TNR: variants seen among roughly 807,000 people sequenced by gnomAD.
TNR encodes tenascin R.
A neutral mutation model predicts 150.4 loss-of-function variants in TNR; 45 were observed. The ratio of observed to expected loss-of-function variants is 0.30; its 90% CI spans 0.24 to 0.38. TNR has a LOEUF of 0.38. Among genes scored for constraint, TNR ranks in the 10% least tolerant of loss-of-function variants. The probability of loss-of-function intolerance (pLI) is 1.00; values close to 1 mark genes in which losing one functional copy is unlikely to be tolerated. For synonymous variants in TNR, 687 were observed against 678.4 expected, an observed-to-expected ratio of 1.01 and a Z score of -0.20; for missense variants, 1,544 against 1,759.1, an observed-to-expected ratio of 0.88 and a Z score of 2.19.
In TNR at chr1:175,396,559, C is replaced by T; in HGVS notation, c.1225G>A (p.Ala409Thr). 6.2e-7 allele frequency: 1 copy of T among 1,614,036 alleles called. No individual in the cohort carries two copies. The highest frequency in any genetic ancestry group is 8.5e-7 in the Non-Finnish European group (1 of 1,179,938). The stretch of plus-strand genomic sequence containing the variant: ...TGGTACGTACGGGTGGCCACCTTGG[C>T]AGTGATGGGAAGGCTGAGGATGTTG... ...ISNILSLPIT[A>T]KVATHLSTPQ... The change falls in exon 5 of 23, where the codon GCC becomes ACC. Residue 409 changes from alanine (A) to threonine (T), a missense_variant. Around this residue, in one of 2 missense-constraint regions of TNR, gnomAD observed 1,254 missense variants for 1,329.4 expected, o/e 0.94. Transcript: ENST00000367674.
chr1:175,381,272 G>A (rs977728277), intron 8 of TNR, among the ~76,000 whole-genome samples: 11 of 152,212 alleles, frequency 7.2e-5, no homozygotes, highest in Non-Finnish European at 1.5e-4. Context: ...GGGGTGTGCA[G>A]CTAGAACTGA....
intron 1 of TNR, among the ~76,000 whole-genome samples, chr1:175,570,578 C>T (rs1176067069): frequency 6.6e-6 from 1 of 152,128 alleles, no homozygotes; most frequent in Admixed American, 6.5e-5. Flanking sequence ...AGTGAGGGTG[C>T]CTTTTCATGT....
intron 9 of TNR, among the ~76,000 whole-genome samples, chr1:175,373,249 G>A (rs1652187411): frequency 6.6e-6 from 1 of 152,134 alleles, no homozygotes; most frequent in African/African-American, 2.4e-5. Context: ...AATAATTCAT[G>A]AAAACCCAGG....
chr1:175,646,519 A>C (rs1461678953), intron 1 of TNR, among the ~76,000 whole-genome samples: 7 of 152,200 alleles, frequency 4.6e-5, no homozygotes, highest in Non-Finnish European at 1.5e-5. Flanking sequence ...CGTTGCTGTT[A>C]AAATACTCAG....
At chr1:175,708,240 A>G (rs1331003302) in intron 1 of TNR, among the ~76,000 whole-genome samples, 1 of 152,174 alleles carries the variant, frequency 6.6e-6, no homozygotes, top group East Asian at 1.9e-4. Context: ...GCCTTGAGGC[A>G]GGGCCACCTC....
At chr1:175,478,041 G>C (rs1334384781) in intron 2 of TNR, among the ~76,000 whole-genome samples, 1 of 152,134 alleles carries the variant, frequency 6.6e-6, no homozygotes, top group Admixed American at 6.5e-5. Context: ...AATTCACTTG[G>C]GCAAAGCATA....
At chr1:175,456,313 C>T (rs944540053) in intron 2 of TNR, among the ~76,000 whole-genome samples, 9 of 152,218 alleles carry the variant, frequency 5.9e-5, no homozygotes, top group Non-Finnish European at 8.8e-5. Context: ...GGACTCTTCC[C>T]ATAGTCTTCA....
chr1:175,465,695 G>A (rs1171512269), intron 2 of TNR, among the ~76,000 whole-genome samples: 1 of 152,168 alleles, frequency 6.6e-6, no homozygotes, highest in African/African-American at 2.4e-5. Flanking sequence ...GTATCCAGGA[G>A]CTCCACCTCC....
At chr1:175,555,996 C>T (rs961221054) in intron 1 of TNR, among the ~76,000 whole-genome samples, 2 of 152,248 alleles carry the variant, frequency 1.3e-5, no homozygotes, top group African/African-American at 4.8e-5. Context: ...GCCTGCTCCA[C>T]CCCTGGATAC....
intron 9 of TNR, among the ~76,000 whole-genome samples, chr1:175,377,855 T>C (rs1046307626): frequency 1.3e-5 from 2 of 152,202 alleles, no homozygotes; most frequent in Admixed American, 1.3e-4. Context: ...TCCTGGTCCA[T>C]GACTGTTCTG....
chr1:175,616,998 T>A (rs1663797798), intron 1 of TNR, among the ~76,000 whole-genome samples: 1 of 152,222 alleles, frequency 6.6e-6, no homozygotes, highest in Non-Finnish European at 1.5e-5. Flanking sequence ...ATATGTGAAG[T>A]TGACAATGTC....
intron 13 of TNR, among the ~76,000 whole-genome samples, chr1:175,363,118 G>A (rs1392273347): frequency 1.3e-5 from 2 of 152,190 alleles, no homozygotes; most frequent in African/African-American, 2.4e-5. Flanking sequence ...GCAAGGAGCA[G>A]TCCCCACAGT....
At chr1:175,408,978 G>C (rs1654081758) in intron 2 of TNR, among the ~76,000 whole-genome samples, 1 of 152,190 alleles carries the variant, frequency 6.6e-6, no homozygotes. Context: ...TTCCAGACAA[G>C]GTAAATAAAC....
chr1:175,423,674 C>A (rs950828247), intron 2 of TNR, among the ~76,000 whole-genome samples: 1 of 152,240 alleles, frequency 6.6e-6, no homozygotes, highest in African/African-American at 2.4e-5. Context: ...CACCTGGATA[C>A]AGCAGCTGGA....
rs59315046 is a variant in TNR, at chr1:175,657,853, GTATATATA to G, written c.-165+85365_-165+85372del. On this transcript the variant is annotated intron_variant, in intron 1 of 22. Transcript: ENST00000367674. ...GGTGCAGCACACCAACATGGAACATGTATATATATATATATATATATATATATATATGT... is the reference window on the plus strand; with the variant it reads ...GGTGCAGCACACCAACATGGAACATGTATATATATATATATATATATATGT... Among the ~76,000 whole-genome samples the G allele has an allele frequency of 2.0e-3, 138 of 70,484 alleles. 8 individuals are homozygous for G. Among genetic ancestry groups the G allele is most frequent in the African/African-American group, 6.5e-3 (111 of 16,990 alleles). 46.2% of individuals were successfully genotyped at this position (70,484 alleles called of 152,430 possible). A position where few individuals can be genotyped will look rare whatever the true frequency, so the allele number is the denominator to read the frequency against.
At chr1:175,563,201 G>A (rs554709160) in intron 1 of TNR, among the ~76,000 whole-genome samples, 35 of 152,288 alleles carry the variant, frequency 2.3e-4, no homozygotes, top group African/African-American at 8.2e-4. Context: ...GGAAGGGCAG[G>A]AATTTGCCCT....
At chr1:175,427,994 C>T (rs749568972) in intron 2 of TNR, among the ~76,000 whole-genome samples, 7 of 151,642 alleles carry the variant, frequency 4.6e-5, no homozygotes, top group Non-Finnish European at 7.4e-5. Flanking sequence ...GAATGGGTTT[C>T]GGATTGGTGT....
Position 175,320,697 on chromosome 1 carries a change from CGTGTGTGTGTGTGT to C in TNR, c.*2646_*2659del, listed in dbSNP as rs3030868. The C allele has an allele frequency of 6.8e-6, 1 of 146,428 alleles. No homozygotes were observed. The highest frequency in any genetic ancestry group is 1.5e-5 in the Non-Finnish European group (1 of 66,866). The allele number at this position is 146,428 out of a possible 1,614,324, so 9.1% of individuals were successfully genotyped here. ...GGCATGATCTTTTCTGCAGTATTTT[CGTGTGTGTGTGTGT>C]GTGTGTGTGTGTGTTTTACTTATGA... On this transcript the variant is annotated 3_prime_UTR_variant, in exon 23 of 23. Transcript: ENST00000367674.
intron 1 of TNR, among the ~76,000 whole-genome samples, chr1:175,565,171 G>T (rs1014043675): frequency 1.3e-5 from 2 of 152,216 alleles, no homozygotes; most frequent in Non-Finnish European, 2.9e-5. Flanking sequence ...GGACAAACAG[G>T]ATGACTCTGC....
Sources: gnomAD v4.1 joint callset for allele counts (sites outside exome capture counted in the v4.1 genomes callset) on GRCh38, gnomAD v4.1.1 for gene constraint, gnomAD v4.1.1 regional missense constraint, MANE v1.5 for transcripts, NCBI Gene and HGNC (gene_info 2026-07-23, HGNC 2026-07-21) for gene names.